MYZAP: variants seen among roughly 807,000 people sequenced by gnomAD.
The protein encoded by MYZAP is myocardial zonula adherens protein.
Under a neutral mutation model 69.4 loss-of-function variants are expected in MYZAP, and 66 were observed. That is an observed-to-expected ratio of 0.95 (90% CI 0.78 to 1.17). The LOEUF (loss-of-function observed/expected upper bound fraction) is 1.17, where lower values mean the gene tolerates loss of function less well. Among genes scored for constraint, MYZAP ranks in the 50% most tolerant of loss-of-function variants. MYZAP has a pLI of 0.00. For missense variants in MYZAP, 611 were observed against 556.2 expected, an observed-to-expected ratio of 1.10 and a Z score of -0.99; for synonymous variants, 256 against 205.9, an observed-to-expected ratio of 1.24 and a Z score of -2.09.
At chr15:57,611,150 T>C (rs2035080144) in intron 2 of MYZAP, among the ~76,000 whole-genome samples, 1 of 152,190 alleles carries the variant, frequency 6.6e-6, no homozygotes, top group South Asian at 2.1e-4. Context: ...CTGTGTATTC[T>C]TTAGACTGCC....
chr15:57,663,630 G>C (rs562253965), intron 11 of MYZAP, among the ~76,000 whole-genome samples: 2 of 152,262 alleles, frequency 1.3e-5, no homozygotes, highest in South Asian at 4.2e-4. Flanking sequence ...ATTAGCTGAG[G>C]CCTGCTCTGG....
At chr15:57,634,409 G>A (rs950561300) in intron 8 of MYZAP, among the ~76,000 whole-genome samples, 27 of 152,164 alleles carry the variant, frequency 1.8e-4, no homozygotes, top group African/African-American at 6.5e-4. Flanking sequence ...CAAGTCTGTG[G>A]CTGGTTTCTG....
At chr15:57,625,949 T>G in intron 5 of MYZAP, 57 bp downstream of exon 5, 2 of 1,494,462 alleles carry the variant, frequency 1.3e-6, no homozygotes, top group Non-Finnish European at 1.9e-6. Context: ...GAGTGGGGAC[T>G]GTGCCTTTGC....
chr15:57,675,733 A>G (rs1337002874), intron 12 of MYZAP, among the ~76,000 whole-genome samples: 7 of 152,200 alleles, frequency 4.6e-5, no homozygotes, highest in East Asian at 1.9e-4. Context: ...TCCTGGTGAC[A>G]TTAGAGCCTG....
chr15:57,670,909 G>C (rs2038838402), intron 11 of MYZAP, among the ~76,000 whole-genome samples: 3 of 151,874 alleles, frequency 2.0e-5, no homozygotes, highest in Admixed American at 2.0e-4. Context: ...CTGTGCCTGT[G>C]GTTATAATTT....
At position 57,599,487 on chromosome 15, in the gene MYZAP, C is replaced by A. The variant is rs1274261764; in HGVS notation, c.76-4782C>A. On this transcript the variant is annotated intron_variant, in intron 1 of 12. Coordinates refer to ENST00000267853, the MANE Select transcript of MYZAP (RefSeq NM_001018100.5). The stretch of plus-strand genomic sequence containing the variant: ...TTTGATCTCCTGGAAGGAACCCTTG[C>A]CCCCAGGGACAGCTGGTTCGGTAGC... 5 of 1,191,844 alleles carry A rather than the reference C, an allele frequency of 4.2e-6. No individual in the cohort carries two copies. The African/African-American group carries it at 6.4e-5, about 15-fold the overall frequency. The allele number at this position is 1,191,844 out of a possible 1,614,324, so 73.8% of individuals were successfully genotyped here.
At chr15:57,608,092 G>T (rs1107113) in intron 2 of MYZAP, among the ~76,000 whole-genome samples, 45,504 of 152,134 alleles carry the variant, frequency 0.3, 7,091 homozygotes, top group East Asian at 0.55. Flanking sequence ...TATGTGAGTA[G>T]AAAGTTGTAA....
At chr15:57,610,230 C>G (rs1388815411) in intron 2 of MYZAP, among the ~76,000 whole-genome samples, 1 of 152,168 alleles carries the variant, frequency 6.6e-6, no homozygotes, top group Non-Finnish European at 1.5e-5. Context: ...AGAGCAGATG[C>G]GTGGGTATGG....
At chr15:57,599,622 C>T (rs1338327400) in intron 1 of MYZAP, 1 of 1,289,078 alleles carries the variant, frequency 7.8e-7, no homozygotes. Flanking sequence ...CTTTCAGGCA[C>T]TGCCAAGCCT....
chr15:57,652,602 G>T (rs1339357006), intron 10 of MYZAP, among the ~76,000 whole-genome samples: 1 of 152,156 alleles, frequency 6.6e-6, no homozygotes, highest in Non-Finnish European at 1.5e-5. Context: ...GTGGGGACCA[G>T]ACACAATTCC....
intron 12 of MYZAP, among the ~76,000 whole-genome samples, chr15:57,678,466 C>T (rs1418666352): frequency 3.3e-5 from 5 of 152,104 alleles, no homozygotes; most frequent in Non-Finnish European, 7.4e-5. Flanking sequence ...ATTAACTAAA[C>T]CCAAACTCTG....
At chr15:57,621,146 C>G (rs936566630) in intron 3 of MYZAP, among the ~76,000 whole-genome samples, 2 of 148,102 alleles carry the variant, frequency 1.4e-5, no homozygotes, top group Non-Finnish European at 3.0e-5. Context: ...GTGACCTTCT[C>G]CCTTAATTTC....
chr15:57,618,094 T>C lies in MYZAP; in HGVS notation c.224T>C (p.Val75Ala). 1 of 1,614,190 alleles carries C rather than the reference T, an allele frequency of 6.2e-7. No individual in the cohort carries two copies. Among genetic ancestry groups the C allele is most frequent in the Non-Finnish European group, 8.5e-7 (1 of 1,180,030 alleles). Residue 75 changes from valine to alanine, a missense_variant, in exon 3 of 13, where the codon GTG becomes GCG. Val to Ala is a moderately conservative substitution (Grantham distance 64, BLOSUM62 0). Transcript: ENST00000267853. ...RKLPQGVVYG[V>A]VRRSDQNQQK... Reference sequence around the variant, plus strand: ...CTTCCTCAGGGTGTTGTTTATGGTGTGGTGCGAAGATCAGATCAAAATCAG... The same window carrying C: ...CTTCCTCAGGGTGTTGTTTATGGTGCGGTGCGAAGATCAGATCAAAATCAG...
At position 57,646,478 on chromosome 15, in the gene MYZAP, C is replaced by G. The variant is rs2140490320; in HGVS notation, c.1119+6933C>G. 5.8e-6 allele frequency: 6 copies of G among 1,028,208 alleles called. No homozygotes were observed. The South Asian group carries it at 1.8e-4, about 31-fold the overall frequency. The allele number at this position is 1,028,208 out of a possible 1,614,324, so 63.7% of individuals were successfully genotyped here. The stretch of plus-strand genomic sequence containing the variant: ...ACTTGAGTAGACATTGAAGAAGGAA[C>G]TGCAATGAAAAAGGCTACTGAAAAA... On this transcript the variant is annotated intron_variant, in intron 10 of 12. Coordinates refer to ENST00000267853, the MANE Select transcript of MYZAP (RefSeq NM_001018100.5).
At chr15:57,643,409 A>C (rs1460702967) in intron 10 of MYZAP, among the ~76,000 whole-genome samples, 5 of 152,214 alleles carry the variant, frequency 3.3e-5, no homozygotes, top group African/African-American at 9.6e-5. Flanking sequence ...GTCCTGAATC[A>C]AGCTGCATTC....
chr15:57,648,476 T>C (rs1300889277), intron 10 of MYZAP: 1 of 985,228 alleles, frequency 1.0e-6, no homozygotes, highest in African/African-American at 1.7e-5. Context: ...TCCAAGGCTA[T>C]GCATATGGAT....
intron 1 of MYZAP, among the ~76,000 whole-genome samples, chr15:57,596,889 C>G (rs2034096104): frequency 6.6e-6 from 1 of 152,186 alleles, no homozygotes; most frequent in Non-Finnish European, 1.5e-5. Context: ...TCGTGTTCCC[C>G]TAGAGGCCTG....
At chr15:57,639,220 T>TG (rs1427632785) in intron 9 of MYZAP, among the ~76,000 whole-genome samples, 1 of 151,854 alleles carries the variant, frequency 6.6e-6, no homozygotes, top group African/African-American at 2.4e-5. Flanking sequence ...ATTTATTTTT[T>TG]TTTTTTGTGG....
At chr15:57,668,892 ATAT>A (rs766222469) in intron 11 of MYZAP, among the ~76,000 whole-genome samples, 3,701 of 58,562 alleles carry the variant, frequency 0.063, 39 homozygotes, top group South Asian at 0.1. Flanking sequence ...ATATATATAT[ATAT>A]TTTTTTTTTT....
Sources: allele counts gnomAD v4.1 joint callset (sites outside exome capture counted in the v4.1 genomes callset), GRCh38; gene constraint gnomAD v4.1.1; transcripts MANE v1.5; gene names NCBI Gene and HGNC (gene_info 2026-07-23, HGNC 2026-07-21).